PSD3: variants seen among roughly 807,000 people sequenced by gnomAD.
The protein encoded by PSD3 is PH and SEC7 domain-containing protein 3.
Under a neutral mutation model 105.5 loss-of-function variants are expected in PSD3, and 49 were observed. The ratio of observed to expected loss-of-function variants is 0.46; its 90% CI spans 0.37 to 0.59. The LOEUF is 0.59. Ranked by LOEUF, PSD3 falls within the 20% of genes least tolerant of loss-of-function variation. The probability of loss-of-function intolerance (pLI) is 0.00; values close to 1 mark genes in which losing one functional copy is unlikely to be tolerated. For synonymous variants in PSD3, 557 were observed against 457.8 expected (o/e 1.22, Z -2.77); for missense variants, 1,561 against 1,263.8 (o/e 1.24, Z -3.57).
intron 9 of PSD3, among the ~76,000 whole-genome samples, chr8:18,702,457 G>A (rs75634834): frequency 1.8e-4 from 28 of 152,198 alleles, no homozygotes; most frequent in African/African-American, 4.1e-4. Context: ...ATAGTTGTAC[G>A]TACTTTAGGG....
At chr8:18,740,276 G>T (rs973404958) in intron 9 of PSD3, among the ~76,000 whole-genome samples, 1 of 152,174 alleles carries the variant, frequency 6.6e-6, no homozygotes, top group African/African-American at 2.4e-5. Context: ...CCCCCACACT[G>T]CTTTATGAGC....
At position 18,671,792 on chromosome 8, in the gene PSD3, C is replaced by T. The variant is rs549988883; in HGVS notation, c.2173-16107G>A. ...GACTATAGGTGCCCGCCATGACGTC[C>T]GGCTAATTTTTTGTATTTTTAGTAG... On this transcript the variant is annotated intron_variant, in intron 9 of 15. Coordinates refer to ENST00000327040, the MANE Select transcript of PSD3 (RefSeq NM_015310.4). Among the ~76,000 whole-genome samples the T allele has an allele frequency of 2.6e-5, 4 of 152,158 alleles. No homozygotes were observed. In the East Asian group the frequency reaches 5.8e-4, roughly 22 times the overall value.
intron 9 of PSD3, among the ~76,000 whole-genome samples, chr8:18,662,959 G>C (rs567234624): frequency 1.2e-4 from 19 of 152,320 alleles, no homozygotes; most frequent in African/African-American, 4.6e-4. Flanking sequence ...GGTGGGGGAA[G>C]GGGAGCAATG....
At chr8:18,552,881 G>T (rs1800858482) in intron 15 of PSD3, among the ~76,000 whole-genome samples, 1 of 152,164 alleles carries the variant, frequency 6.6e-6, no homozygotes, top group South Asian at 2.1e-4. Context: ...AGTAAAGTTT[G>T]CTGCTTTAAG....
At chr8:18,653,075 A>G (rs990444582) in intron 10 of PSD3, among the ~76,000 whole-genome samples, 1 of 152,214 alleles carries the variant, frequency 6.6e-6, no homozygotes, top group Non-Finnish European at 1.5e-5. Context: ...ATTTTGTTTG[A>G]GCTAGCATTC....
intron 1 of PSD3, among the ~76,000 whole-genome samples, chr8:19,033,597 T>C (rs1322784298): frequency 6.6e-6 from 1 of 151,890 alleles, no homozygotes; most frequent in Non-Finnish European, 1.5e-5. Context: ...CATTTATGTT[T>C]AGCCCTTTCA....
At chr8:19,038,772 A>G (rs1007512853) in intron 1 of PSD3, among the ~76,000 whole-genome samples, 1 of 152,220 alleles carries the variant, frequency 6.6e-6, no homozygotes, top group South Asian at 2.1e-4. Flanking sequence ...ACTTCTGTCA[A>G]GAGAAATAAT....
chr8:18,657,453 G>A (rs1808985356), intron 9 of PSD3, among the ~76,000 whole-genome samples: 1 of 152,112 alleles, frequency 6.6e-6, no homozygotes, highest in East Asian at 1.9e-4. Flanking sequence ...TAAAAACCAG[G>A]TCACATTTTA....
intron 9 of PSD3, among the ~76,000 whole-genome samples, chr8:18,762,719 T>C (rs1240790923): frequency 6.6e-6 from 1 of 152,202 alleles, no homozygotes; most frequent in African/African-American, 2.4e-5. Flanking sequence ...GTATCATCTA[T>C]CCCTTCAATA....
At chr8:18,882,040 C>G (rs1492284) in intron 2 of PSD3, among the ~76,000 whole-genome samples, 44,025 of 151,916 alleles carry the variant, frequency 0.29, 6,813 homozygotes, top group Non-Finnish European at 0.32. Flanking sequence ...GACCCCTCCT[C>G]TACAAAAAAT....
At chr8:18,549,522 T>A (rs976196095) in intron 15 of PSD3, among the ~76,000 whole-genome samples, 6 of 152,146 alleles carry the variant, frequency 3.9e-5, no homozygotes, top group African/African-American at 1.2e-4. Flanking sequence ...TTCTCAGATT[T>A]TATAATCTAA....
chr8:19,079,082 A>G (rs896925279), intron 1 of PSD3, among the ~76,000 whole-genome samples: 5 of 151,968 alleles, frequency 3.3e-5, no homozygotes, highest in African/African-American at 1.2e-4. Flanking sequence ...GGAGGATTGC[A>G]CCTATACAAT....
intron 9 of PSD3, among the ~76,000 whole-genome samples, chr8:18,738,462 T>G (rs188651739): frequency 6.6e-6 from 1 of 152,198 alleles, no homozygotes; most frequent in Non-Finnish European, 1.5e-5. Flanking sequence ...CCTATGATGT[T>G]TATACTGTGA....
intron 9 of PSD3, among the ~76,000 whole-genome samples, chr8:18,682,117 C>T (rs776342318): frequency 1.3e-5 from 2 of 152,106 alleles, no homozygotes; most frequent in Non-Finnish European, 2.9e-5. Flanking sequence ...CATGTGGTAT[C>T]TATGCTGGAT....
At chr8:18,793,412 G>A (rs1231380699) in intron 8 of PSD3, among the ~76,000 whole-genome samples, 1 of 148,570 alleles carries the variant, frequency 6.7e-6, no homozygotes, top group African/African-American at 2.5e-5. Flanking sequence ...GAGATGATCT[G>A]TGCAGCAAAC....
At chr8:18,658,815 A>AG (rs58895114) in intron 9 of PSD3, among the ~76,000 whole-genome samples, 2 of 152,164 alleles carry the variant, frequency 1.3e-5, no homozygotes, top group African/African-American at 4.8e-5. Context: ...GATCATAAAA[A>AG]GTATGCTCTA....
chr8:19,058,212 C>T (rs1440649648), intron 1 of PSD3, among the ~76,000 whole-genome samples: 2 of 151,940 alleles, frequency 1.3e-5, no homozygotes, highest in East Asian at 1.9e-4. Context: ...TTTGTGGTTT[C>T]GTTTGTTTTG....
At chr8:18,643,481 C>G (rs751675585) in intron 10 of PSD3, among the ~76,000 whole-genome samples, 1 of 152,182 alleles carries the variant, frequency 6.6e-6, no homozygotes, top group Non-Finnish European at 1.5e-5. Context: ...AGGCATGATT[C>G]ATCCTTAGGC....
At chr8:18,910,467 T>C (rs1245794735) in intron 2 of PSD3, among the ~76,000 whole-genome samples, 1 of 99,016 alleles carries the variant, frequency 1.0e-5, no homozygotes, top group African/African-American at 4.0e-5. Flanking sequence ...AAGGGGAATA[T>C]CACACTCTGG....
Sources: allele counts gnomAD v4.1 joint callset (sites outside exome capture counted in the v4.1 genomes callset), GRCh38; gene constraint gnomAD v4.1.1; transcripts MANE v1.5; gene names NCBI Gene and HGNC (gene_info 2026-07-23, HGNC 2026-07-21).